C8orf34: variants seen among roughly 807,000 people sequenced by gnomAD.
The protein encoded by C8orf34 is uncharacterized protein C8orf34.
In C8orf34, 65 loss-of-function variants were observed where a neutral mutation model predicts 68.3. The observed-to-expected ratio is 0.95, with a 90% confidence interval of 0.78 to 1.17. The LOEUF (loss-of-function observed/expected upper bound fraction) is 1.17, where lower values mean the gene tolerates loss of function less well. Ranked by LOEUF, C8orf34 falls within the 50% of genes most tolerant of loss-of-function variation. C8orf34 has a pLI of 0.00. For missense variants in C8orf34, 664 were observed against 655.4 expected, an observed-to-expected ratio of 1.01 and a Z score of -0.14; for synonymous variants, 244 against 241.2, an observed-to-expected ratio of 1.01 and a Z score of -0.11.
intron 3 of C8orf34, among the ~76,000 whole-genome samples, chr8:68,453,114 A>G (rs1811414517): frequency 6.6e-6 from 1 of 151,992 alleles, no homozygotes; most frequent in African/African-American, 2.4e-5. Context: ...ATTCCATTCC[A>G]TTAAGCTATA....
intron 5 of C8orf34, among the ~76,000 whole-genome samples, chr8:68,519,790 A>AG (rs1450244533): frequency 6.6e-6 from 1 of 152,158 alleles, no homozygotes; most frequent in African/African-American, 2.4e-5. Flanking sequence ...TTGATACAAT[A>AG]GGCTTTATAA....
chr8:68,449,132 T>G (rs961493511), intron 3 of C8orf34, among the ~76,000 whole-genome samples: 8 of 152,232 alleles, frequency 5.3e-5, no homozygotes, highest in African/African-American at 1.9e-4. Context: ...ATAAACACTA[T>G]GCTCAACAAA....
intron 1 of C8orf34, among the ~76,000 whole-genome samples, chr8:68,426,002 C>G (rs913328534): frequency 2.0e-5 from 3 of 151,960 alleles, no homozygotes; most frequent in Non-Finnish European, 4.4e-5. Context: ...AACATTGCGT[C>G]TTATGCAAAA....
chr8:68,607,703 G>A (rs1004561602), intron 7 of C8orf34, among the ~76,000 whole-genome samples: 1 of 152,038 alleles, frequency 6.6e-6, no homozygotes, highest in Non-Finnish European at 1.5e-5. Context: ...CTTGTACCTT[G>A]TAAATGAACC....
chr8:68,416,591 G>A (rs1291178127), intron 1 of C8orf34, among the ~76,000 whole-genome samples: 2 of 151,710 alleles, frequency 1.3e-5, no homozygotes, highest in African/African-American at 4.8e-5. Context: ...GAGTGCAGTG[G>A]CACGATCTCA....
At chr8:68,398,536 G>A (rs1413944943) in intron 1 of C8orf34, among the ~76,000 whole-genome samples, 1 of 152,060 alleles carries the variant, frequency 6.6e-6, no homozygotes, top group African/African-American at 2.4e-5. Context: ...CACACAAAAG[G>A]TAGCTATTTG....
At chr8:68,776,568 T>C (rs1018680575) in intron 11 of C8orf34, 119 bp downstream of exon 11, 2 of 712,668 alleles carry the variant, frequency 2.8e-6, no homozygotes, top group African/African-American at 3.7e-5. Flanking sequence ...TGTTCAATGG[T>C]CATGTCCACA....
intron 1 of C8orf34, among the ~76,000 whole-genome samples, chr8:68,400,282 A>G (rs578095718): frequency 1.3e-5 from 2 of 152,170 alleles, no homozygotes; most frequent in Non-Finnish European, 2.9e-5. Context: ...CTTTCTTTTA[A>G]TATTTTTATA....
intron 6 of C8orf34, among the ~76,000 whole-genome samples, chr8:68,529,561 G>C (rs1586326323): frequency 3.9e-5 from 6 of 152,260 alleles, no homozygotes; most frequent in Admixed American, 3.3e-4. Context: ...TAATGATGTA[G>C]AAATACTGAA....
intron 11 of C8orf34, among the ~76,000 whole-genome samples, chr8:68,780,717 G>T (rs1823650319): frequency 6.6e-6 from 1 of 152,088 alleles, no homozygotes; most frequent in Non-Finnish European, 1.5e-5. Context: ...AGGAGTTAGA[G>T]ACCAGACTGG....
intron 3 of C8orf34, among the ~76,000 whole-genome samples, chr8:68,460,954 C>T (rs540859708): frequency 1.3e-5 from 2 of 152,198 alleles, no homozygotes; most frequent in Non-Finnish European, 2.9e-5. Flanking sequence ...AATGACATGA[C>T]GAGTTGTGAG....
At chr8:68,537,030 ACTTT>A (rs1280527649) in intron 7 of C8orf34, among the ~76,000 whole-genome samples, 2 of 152,254 alleles carry the variant, frequency 1.3e-5, no homozygotes, top group African/African-American at 4.8e-5. Flanking sequence ...ATCATTTGAC[ACTTT>A]CTTTCTTATA....
intron 7 of C8orf34, among the ~76,000 whole-genome samples, chr8:68,591,632 A>G (rs1000494466): frequency 2.6e-5 from 4 of 152,180 alleles, no homozygotes; most frequent in Non-Finnish European, 5.9e-5. Context: ...CTAAAACTCT[A>G]TCTCGTTCGA....
chr8:68,539,852 T>TA (rs76169917), intron 7 of C8orf34, among the ~76,000 whole-genome samples: 1,669 of 141,280 alleles, frequency 0.012, 32 homozygotes, highest in African/African-American at 0.04. Flanking sequence ...AAACTCCGTC[T>TA]AAAAAAAAAA....
At chr8:68,692,619 G>A (rs1173032376) in intron 8 of C8orf34, among the ~76,000 whole-genome samples, 3 of 152,022 alleles carry the variant, frequency 2.0e-5, no homozygotes, top group Non-Finnish European at 4.4e-5. Flanking sequence ...ATAAATGACA[G>A]GTAAAGGCTC....
intron 8 of C8orf34, among the ~76,000 whole-genome samples, chr8:68,664,543 T>C (rs1176712030): frequency 1.3e-5 from 2 of 152,194 alleles, no homozygotes; most frequent in Non-Finnish European, 2.9e-5. Context: ...TATTATAAAG[T>C]AGGCCTTGTG....
intron 1 of C8orf34, among the ~76,000 whole-genome samples, chr8:68,370,443 C>T (rs771144319): frequency 4.6e-5 from 7 of 152,122 alleles, no homozygotes; most frequent in Non-Finnish European, 1.0e-4. Context: ...TTTCTTACTG[C>T]CCTCCCTGGT....
At chr8:68,631,155 A>G (rs922654184) in intron 7 of C8orf34, among the ~76,000 whole-genome samples, 1 of 151,638 alleles carries the variant, frequency 6.6e-6, no homozygotes, top group Non-Finnish European at 1.5e-5. Flanking sequence ...GCAGCTACTC[A>G]GGAGGCTGAG....
chr8:68,632,980 G>C (rs1463377860), intron 7 of C8orf34, among the ~76,000 whole-genome samples: 1 of 152,116 alleles, frequency 6.6e-6, no homozygotes, highest in African/African-American at 2.4e-5. Flanking sequence ...ATTGGCTATT[G>C]CTACCCAGAA....
Sources: allele counts gnomAD v4.1 joint callset (sites outside exome capture counted in the v4.1 genomes callset), GRCh38; gene constraint gnomAD v4.1.1; transcripts MANE v1.5; gene names NCBI Gene and HGNC (gene_info 2026-07-23, HGNC 2026-07-21).